Variants in PCDH15 observed in about 807,000 individuals in gnomAD.
The protein encoded by PCDH15 is protocadherin related 15, also known as protocadherin-15.
Under a neutral mutation model 178.5 loss-of-function variants are expected in PCDH15, and 129 were observed. The ratio of observed to expected loss-of-function variants is 0.72; its 90% CI spans 0.63 to 0.84. The LOEUF is 0.84. Among genes scored for constraint, PCDH15 ranks in the 40% least tolerant of loss-of-function variants. PCDH15 has a pLI of 0.00. For synonymous variants in PCDH15, 800 were observed against 732.0 expected, an observed-to-expected ratio of 1.09 and a Z score of -1.50; for missense variants, 2,230 against 2,099.9, an observed-to-expected ratio of 1.06 and a Z score of -1.21.
At chr10:54,636,212 T>C (rs2093849863) in intron 2 of PCDH15, among the ~76,000 whole-genome samples, 2 of 152,114 alleles carry the variant, frequency 1.3e-5, no homozygotes, top group South Asian at 4.1e-4. Flanking sequence ...CCATCACCAT[T>C]AGCAAATAAA....
rs528379807 is a variant in PCDH15, at chr10:53,827,373, T to C, written c.4367+20A>G. On this transcript the variant is annotated intron_variant, in intron 32 of 37. Transcript: ENST00000644397. ...AGTAAAACCCAACTACTTCTCAGAG[T>C]TCCTGAACGGTCTACTTACATTGAG... 1 of 1,597,836 alleles carries C rather than the reference T, an allele frequency of 6.3e-7. No homozygotes were observed. The highest frequency in any genetic ancestry group is 1.7e-5 in the Admixed American group (1 of 57,742).
intron 2 of PCDH15, among the ~76,000 whole-genome samples, chr10:55,353,755 T>A (rs1845002945): frequency 6.6e-6 from 1 of 152,056 alleles, no homozygotes; most frequent in African/African-American, 2.4e-5. Context: ...CTTCTGATGA[T>A]CATAAAGCAC....
At chr10:55,470,733 T>C (rs1284518594) in intron 2 of PCDH15, among the ~76,000 whole-genome samples, 2 of 152,160 alleles carry the variant, frequency 1.3e-5, no homozygotes, top group Non-Finnish European at 1.5e-5. Context: ...TTTGGGCAAA[T>C]GTATAACAAC....
intron 3 of PCDH15, among the ~76,000 whole-genome samples, chr10:54,823,894 A>G (rs1953086293): frequency 2.0e-5 from 3 of 152,338 alleles, no homozygotes; most frequent in Admixed American, 1.3e-4. Flanking sequence ...TTATTTGAAC[A>G]GTATATGCAA....
chr10:54,437,114 T>C (rs2075471577), intron 3 of PCDH15, among the ~76,000 whole-genome samples: 1 of 152,188 alleles, frequency 6.6e-6, no homozygotes, highest in Admixed American at 6.5e-5. Context: ...AGGAATTTTG[T>C]TGTAGCTGTA....
At chr10:54,874,554 G>C (rs574411007) in intron 3 of PCDH15, among the ~76,000 whole-genome samples, 1 of 152,158 alleles carries the variant, frequency 6.6e-6, no homozygotes, top group East Asian at 1.9e-4. Context: ...AGCCAAAATT[G>C]ACAAATGGGG....
At chr10:54,073,530 T>C (rs2094286310) in intron 17 of PCDH15, among the ~76,000 whole-genome samples, 1 of 152,156 alleles carries the variant, frequency 6.6e-6, no homozygotes, top group Admixed American at 6.5e-5. Context: ...TATTGCCATG[T>C]TTCAAAGAAA....
chr10:53,840,255 A>G (rs1449678515), intron 29 of PCDH15, 65 bp downstream of exon 29: 20 of 1,543,272 alleles, frequency 1.3e-5, no homozygotes, highest in Non-Finnish European at 1.8e-5. Flanking sequence ...TATAGCCTCA[A>G]GTCAGAATCA....
intron 2 of PCDH15, among the ~76,000 whole-genome samples, chr10:55,564,505 C>A (rs1466966694): frequency 1.3e-5 from 2 of 151,618 alleles, no homozygotes; most frequent in African/African-American, 4.8e-5. Context: ...TTACAGTTAT[C>A]TTCTTATTAA....
intron 1 of PCDH15, among the ~76,000 whole-genome samples, chr10:55,296,336 G>A (rs1474356931): frequency 6.6e-6 from 1 of 152,182 alleles, no homozygotes; most frequent in Non-Finnish European, 1.5e-5. Context: ...GAAGGATGGT[G>A]CTGAAAGTTC....
chr10:55,240,145 A>G (rs1264864832), intron 1 of PCDH15, among the ~76,000 whole-genome samples: 4 of 152,172 alleles, frequency 2.6e-5, no homozygotes, highest in African/African-American at 4.8e-5. Context: ...TAAAAATAGA[A>G]CTACCATATG....
rs1840995232 is a variant in PCDH15 at position 53,803,615 on chromosome 10, C to CAA, written c.*2963_*2964insTT. The CAA allele has an allele frequency of 6.6e-6, 1 of 151,916 alleles. No individual in the cohort carries two copies. The allele number at this position is 151,916 out of a possible 1,614,324, so 9.4% of individuals were successfully genotyped here. A position where few individuals can be genotyped will look rare whatever the true frequency, so the allele number is the denominator to read the frequency against. On this transcript the variant is annotated 3_prime_UTR_variant, in exon 38 of 38. Coordinates refer to ENST00000644397, the MANE Select transcript of PCDH15 (RefSeq NM_001384140.1). ...ACGGTTGCAATTCTATGACAACTCTCAGAGTCTGTAATTAATGAGAAAGAC... is the reference window on the plus strand; with the variant it reads ...ACGGTTGCAATTCTATGACAACTCTCAAAGAGTCTGTAATTAATGAGAAAGAC...
chr10:55,040,280 CTG>C (rs1840833179), intron 2 of PCDH15, among the ~76,000 whole-genome samples: 1 of 152,016 alleles, frequency 6.6e-6, no homozygotes, highest in African/African-American at 2.4e-5. Flanking sequence ...CACACTCAAG[CTG>C]TGTCCAGAAA....
chr10:54,886,600 G>A (rs1470749182), intron 3 of PCDH15, among the ~76,000 whole-genome samples: 2 of 152,104 alleles, frequency 1.3e-5, no homozygotes, highest in Admixed American at 6.6e-5. Context: ...CATCTCTACC[G>A]AAAATACAAA....
At chr10:54,161,138 T>C (rs149710580) in intron 13 of PCDH15, among the ~76,000 whole-genome samples, 48 of 152,276 alleles carry the variant, frequency 3.2e-4, no homozygotes, top group African/African-American at 8.9e-4. Flanking sequence ...TGGAAACAAC[T>C]GAAATGCCCA....
At chr10:55,398,885 AT>A (rs1837993012) in intron 2 of PCDH15, among the ~76,000 whole-genome samples, 2 of 152,158 alleles carry the variant, frequency 1.3e-5, no homozygotes, top group Non-Finnish European at 2.9e-5. Flanking sequence ...ATCAGAAAAA[AT>A]ATGCACTCTT....
At position 54,451,634 on chromosome 10, in the gene PCDH15, A is replaced by C. The variant is rs117698332; in HGVS notation, c.158-72692T>G. Reference sequence around the variant, plus strand: ...ATAGTTTTTACACATGTAAATCTATAACATACATTTACCAAAATCTAATAT... The same window carrying C: ...ATAGTTTTTACACATGTAAATCTATCACATACATTTACCAAAATCTAATAT... On this transcript the variant is annotated intron_variant, in intron 3 of 37. Coordinates refer to ENST00000644397, the MANE Select transcript of PCDH15 (RefSeq NM_001384140.1). 1.5e-3 allele frequency among the ~76,000 whole-genome samples: 227 copies of C among 152,066 alleles called. 1 individual carries two copies. The highest frequency in any genetic ancestry group is 6.8e-3 in the Middle Eastern group (2 of 294).
At chr10:55,022,055 G>A (rs1225842696) in intron 2 of PCDH15, among the ~76,000 whole-genome samples, 1 of 152,166 alleles carries the variant, frequency 6.6e-6, no homozygotes, top group Non-Finnish European at 1.5e-5. Context: ...AGGGGAATGG[G>A]AAGGTGTTGG....
At chr10:53,941,253 A>G (rs531622844) in intron 23 of PCDH15, among the ~76,000 whole-genome samples, 3 of 152,252 alleles carry the variant, frequency 2.0e-5, no homozygotes, top group East Asian at 3.9e-4. Context: ...GTGTAATGGC[A>G]TGTATCCGCT....
Sources: allele counts gnomAD v4.1 joint callset (sites outside exome capture counted in the v4.1 genomes callset), GRCh38; gene constraint gnomAD v4.1.1; transcripts MANE v1.5; gene names NCBI Gene and HGNC (gene_info 2026-07-23, HGNC 2026-07-21).